Variants in JADE2 observed in about 807,000 individuals in gnomAD.
JADE2 encodes jade family PHD finger 2.
JADE2 carries 13 observed loss-of-function variants against 85.7 expected under a neutral mutation model. That is an observed-to-expected ratio of 0.15 (90% CI 0.10 to 0.24). The LOEUF is 0.24. Ranked by LOEUF, JADE2 falls within the 10% of genes least tolerant of loss-of-function variation. The probability of loss-of-function intolerance (pLI) is 1.00; values close to 1 mark genes in which losing one functional copy is unlikely to be tolerated. For synonymous variants in JADE2, 440 were observed against 456.1 expected (o/e 0.96, Z 0.45); for missense variants, 846 against 1,115.9 (o/e 0.76, Z 3.45).
intron 8 of JADE2, 119 bp from the exon 9 acceptor site, chr5:134,565,997 C>T: frequency 1.2e-6 from 1 of 853,128 alleles, no homozygotes; most frequent in South Asian, 1.7e-5. Context: ...CCATGCCATT[C>T]TGTTTAGGTT....
intron 1 of JADE2, among the ~76,000 whole-genome samples, chr5:134,530,660 T>C (rs1210787545): frequency 1.3e-5 from 2 of 152,228 alleles, no homozygotes; most frequent in Non-Finnish European, 2.9e-5. Flanking sequence ...CCTGAGGCCC[T>C]CACTAAGGCC....
rs770805390 is a variant in JADE2, at chr5:134,578,796, C to T, written c.1984C>T (p.Arg662Trp). 19 of 1,613,652 alleles carry T rather than the reference C, an allele frequency of 1.2e-5. No individual in the cohort carries two copies. Among genetic ancestry groups the T allele is most frequent in the Admixed American group, 3.3e-5 (2 of 60,010 alleles). Residue 662 changes from arginine to tryptophan, a missense_variant, in exon 12 of 12, where the codon CGG becomes TGG. Physicochemically the swap from Arg to Trp is moderately radical, Grantham distance 101. This residue lies in a region of JADE2 where 300 missense variants were observed against 300.7 expected (regional missense o/e 1.00). Coordinates refer to ENST00000681547, the MANE Select transcript of JADE2 (RefSeq NM_001388185.1). This position sits in a 1 kb window ranked among gnomAD's most constrained non-coding sequence, Gnocchi z 4.4. ...PPPPQDGPGS[R>W]TTPDKAPKKT... ...ACCACCGCAGGACGGGCCTGGTTCACGGACGACTCCAGACAAAGCCCCCAA... is the reference window on the plus strand; with the variant it reads ...ACCACCGCAGGACGGGCCTGGTTCATGGACGACTCCAGACAAAGCCCCCAA...
chr5:134,542,100 G>C (rs965782979), intron 3 of JADE2, among the ~76,000 whole-genome samples: 1 of 152,230 alleles, frequency 6.6e-6, no homozygotes, highest in African/African-American at 2.4e-5. Context: ...GTCTGCCCTG[G>C]GAGCTCCTTA....
intron 1 of JADE2, 168 bp downstream of exon 1, chr5:134,526,179 G>T (rs571998567): frequency 3.3e-5 from 33 of 985,572 alleles, no homozygotes; most frequent in Non-Finnish European, 3.7e-5. Flanking sequence ...GAGAGGGGGG[G>T]GATGCACAGC....
chr5:134,572,946 C>T (rs537497829), intron 9 of JADE2, among the ~76,000 whole-genome samples: 67 of 152,352 alleles, frequency 4.4e-4, no homozygotes, highest in Non-Finnish European at 7.8e-4. Flanking sequence ...GTCACTGTGG[C>T]AGAGTGAAGG....
At chr5:134,575,312 C>G (rs1489380515) in intron 10 of JADE2, 1 of 152,232 alleles carries the variant, frequency 6.6e-6, no homozygotes, top group Non-Finnish European at 1.5e-5. Flanking sequence ...GGCGGCTGGA[C>G]AAAGCCTCCT....
chr5:134,578,175 AAG>A lies in JADE2; in HGVS notation c.1682-316_1682-315del, dbSNP rs972882762. Among the ~76,000 whole-genome samples, 15 of 152,340 alleles carry A rather than the reference AAG, an allele frequency of 9.8e-5. No individual in the cohort carries two copies. The East Asian group carries it at 2.7e-3, about 27-fold the overall frequency. On this transcript the variant is annotated intron_variant, in intron 11 of 11. Coordinates refer to ENST00000681547, the MANE Select transcript of JADE2 (RefSeq NM_001388185.1). The surrounding 1 kb of genome is among the most constrained non-coding windows in gnomAD (Gnocchi z 4.4). ...CCAAAAAACCTGCTAGACAAACTAA[AAG>A]AGCTATAACACTCCACCTTGAAATT...
At chr5:134,577,764 G>T (rs896387260) in intron 11 of JADE2, among the ~76,000 whole-genome samples, 3 of 152,220 alleles carry the variant, frequency 2.0e-5, no homozygotes, top group Non-Finnish European at 2.9e-5. Flanking sequence ...CTCCCGTCTC[G>T]CCAGCTGCCC....
chr5:134,578,699 G>T lies in JADE2; in HGVS notation c.1887G>T (p.Leu629=). The T allele has an allele frequency of 6.2e-7, 1 of 1,613,806 alleles. No homozygotes were observed. The highest frequency in any genetic ancestry group is 8.5e-7 in the Non-Finnish European group (1 of 1,180,000). Residue 629 remains leucine, a synonymous_variant, in exon 12 of 12, where the codon CTG becomes CTT. Coordinates refer to ENST00000681547, the MANE Select transcript of JADE2 (RefSeq NM_001388185.1). The surrounding 1 kb of genome is among the most constrained non-coding windows in gnomAD (Gnocchi z 4.4). ...TCAGCTTCATGCGGGACCCCTCGCT[G>T]CGACCTGGTGACCCTGCTAGGAAGG... is the stretch of plus-strand genomic sequence containing the variant. ...TLLSFMRDPS[L]RPGDPARKAR...
Position 134,578,414 on chromosome 5 carries a change from T to C in JADE2, c.1682-80T>C. The C allele has an allele frequency of 1.0e-5, 11 of 1,052,604 alleles. No homozygotes were observed. In the South Asian group the frequency reaches 1.3e-4, roughly 13 times the overall value. The allele number at this position is 1,052,604 out of a possible 1,614,324, so 65.2% of individuals were successfully genotyped here. On this transcript the variant is annotated intron_variant, in intron 11 of 11. Coordinates refer to ENST00000681547, the MANE Select transcript of JADE2 (RefSeq NM_001388185.1). This position sits in a 1 kb window ranked among gnomAD's most constrained non-coding sequence, Gnocchi z 4.4. ...AGAGAGAAGACGATGCCTGGTGGTG[T>C]GCTGGGAGCGTCAGTGGGCTTCCTG...
At chr5:134,530,951 G>T (rs563396550) in intron 1 of JADE2, among the ~76,000 whole-genome samples, 1 of 152,294 alleles carries the variant, frequency 6.6e-6, no homozygotes, top group Non-Finnish European at 1.5e-5. Flanking sequence ...TGGGGTTCTG[G>T]CTGGAGTCTA....
At chr5:134,539,490 C>T (rs982541055) in intron 3 of JADE2, among the ~76,000 whole-genome samples, 2 of 152,232 alleles carry the variant, frequency 1.3e-5, no homozygotes, top group Admixed American at 6.5e-5. Context: ...TGAGCCACCG[C>T]GCCCGGCCAA....
intron 3 of JADE2, among the ~76,000 whole-genome samples, chr5:134,542,695 G>C (rs1318173911): frequency 6.6e-6 from 1 of 151,898 alleles, no homozygotes; most frequent in African/African-American, 2.4e-5. Flanking sequence ...GCCTGCCTCG[G>C]CCCCCCAGAG....
In JADE2 at chr5:134,580,924, TCA is replaced by T. The variant is rs1411050735; in HGVS notation, c.*1610_*1611del. ...TGTGAGCTTTCCTAAACTGTGAGAC[TCA>T]CAGAGGGGAAAGATACTGACGGTGA... On this transcript the variant is annotated 3_prime_UTR_variant, in exon 12 of 12. Coordinates refer to ENST00000681547, the MANE Select transcript of JADE2 (RefSeq NM_001388185.1). The T allele has an allele frequency of 1.3e-5, 2 of 152,590 alleles. No individual in the cohort carries two copies. The highest frequency in any genetic ancestry group is 4.8e-5 in the African/African-American group (2 of 41,444). 9.5% of individuals were successfully genotyped at this position (152,590 alleles called of 1,614,324 possible).
At position 134,578,615 on chromosome 5, in the gene JADE2, C is replaced by G. The variant is rs199876764; in HGVS notation, c.1803C>G (p.Arg601=). 6.2e-7 allele frequency: 1 copy of G among 1,614,166 alleles called. No homozygotes were observed. The change falls in exon 12 of 12, where the codon CGC becomes CGG. Residue 601 remains arginine, a synonymous_variant. Transcript: ENST00000681547. This position sits in a 1 kb window ranked among gnomAD's most constrained non-coding sequence, Gnocchi z 4.4. ...MSEWPLNNGH[R]EDPAPGLLSE... ...AGTGGCCACTGAACAATGGGCACCG[C>G]GAGGACCCTGCTCCAGGGCTGCTGT...
At chr5:134,576,698 G>A in intron 10 of JADE2, 70 bp from the exon 11 acceptor site, 1 of 1,538,636 alleles carries the variant, frequency 6.5e-7, no homozygotes, top group Non-Finnish European at 8.8e-7. Flanking sequence ...CTGCCACGCA[G>A]GGATCTTGGT....
chr5:134,570,458 C>T (rs1480281889), intron 9 of JADE2, among the ~76,000 whole-genome samples: 2 of 152,138 alleles, frequency 1.3e-5, no homozygotes, highest in African/African-American at 2.4e-5. Context: ...AAAAGCGAAT[C>T]CTCCCTCCCT....
rs890861458 is a variant in JADE2, at chr5:134,579,125, T to C, written c.2313T>C (p.Ala771=). 2 of 1,614,198 alleles carry C rather than the reference T, an allele frequency of 1.2e-6. No individual in the cohort carries two copies. Among genetic ancestry groups the C allele is most frequent in the Non-Finnish European group, 1.7e-6 (2 of 1,180,028 alleles). The part of the protein sequence containing the change: ...TRRLPGARPD[A]GMGPPSAVAE... ...GATTGCCGGGTGCCAGGCCTGATGC[T>C]GGGATGGGACCACCTTCAGCTGTGG... Residue 771 remains alanine (A), a synonymous_variant, in exon 12 of 12, where the codon GCT becomes GCC. Coordinates refer to ENST00000681547, the MANE Select transcript of JADE2 (RefSeq NM_001388185.1). The surrounding 1 kb of genome is among the most constrained non-coding windows in gnomAD (Gnocchi z 4.6).
intron 3 of JADE2, among the ~76,000 whole-genome samples, chr5:134,549,549 TG>T (rs1484303682): frequency 6.6e-6 from 1 of 151,708 alleles, no homozygotes; most frequent in Non-Finnish European, 1.5e-5. Flanking sequence ...TCCAGCTACT[TG>T]GGAGGCTGAG....
Sources: allele counts gnomAD v4.1 joint callset (sites outside exome capture counted in the v4.1 genomes callset), GRCh38; gene constraint gnomAD v4.1.1; regional missense constraint gnomAD v4.1.1; non-coding constraint Gnocchi (gnomAD v3.1); transcripts MANE v1.5; gene names NCBI Gene and HGNC (gene_info 2026-07-23, HGNC 2026-07-21).